The following KIR3DL3 variants were observed in gnomAD, a reference collection of about 807,000 sequenced individuals.
KIR3DL3 encodes the protein killer cell immunoglobulin-like receptor 3DL3.
Under a neutral mutation model 34.9 loss-of-function variants are expected in KIR3DL3, and 27 were observed. The observed-to-expected ratio is 0.77, with a 90% CI of 0.57 to 1.07. The LOEUF (loss-of-function observed/expected upper bound fraction) is 1.07. Ranked by LOEUF, KIR3DL3 falls within the 50% of genes least tolerant of loss-of-function variation. The pLI, the probability that KIR3DL3 is intolerant of heterozygous loss-of-function variation, is 0.00. For synonymous variants in KIR3DL3, 217 were observed against 200.2 expected, an observed-to-expected ratio of 1.08 and a Z score of -0.71; for missense variants, 681 against 528.5, an observed-to-expected ratio of 1.29 and a Z score of -2.83.
At chr19:54,732,620 C>A (rs1327357514) in intron 5 of KIR3DL3, among the ~76,000 whole-genome samples, 4 of 152,212 alleles carry the variant, frequency 2.6e-5, no homozygotes, top group African/African-American at 4.8e-5. Flanking sequence ...GAAGGTCTCA[C>A]TGATCAGATA....
intron 5 of KIR3DL3, 109 bp downstream of exon 5, chr19:54,729,895 C>G: frequency 1.9e-6 from 2 of 1,048,494 alleles, no homozygotes; most frequent in East Asian, 3.0e-5. Context: ...ACAGAACACA[C>G]AGCATGGGTG....
At position 54,735,844 on chromosome 19, in the gene KIR3DL3, C is replaced by A. The variant is rs1484851460; in HGVS notation, c.1079C>A (p.Pro360His). 1.6e-4 allele frequency: 262 copies of A among 1,607,590 alleles called. No homozygotes were observed. The highest frequency in any genetic ancestry group is 2.1e-4 in the Non-Finnish European group (248 of 1,178,300). ...KKNAVVMDQEPAGNRTVNRED... is the reference protein window; with the variant it reads ...KKNAVVMDQEHAGNRTVNRED... ...GATGCTGTTGTAATGGACCAAGAGC[C>A]TGCAGGGAACAGAACAGTGAACAGG... is the stretch of plus-strand genomic sequence containing the variant. The change falls in exon 7 of 8, where the codon CCT becomes CAT. Residue 360 changes from proline (P) to histidine (H), a missense_variant. By Grantham distance (77) the Pro-to-His change is moderately conservative. Coordinates refer to ENST00000291860, the MANE Select transcript of KIR3DL3 (RefSeq NM_153443.5).
chr19:54,725,943 A>C (rs2068110034), intron 2 of KIR3DL3, 110 bp from the exon 3 acceptor site: 1 of 1,047,736 alleles, frequency 9.5e-7, no homozygotes, highest in Non-Finnish European at 1.4e-6. Context: ...CTGGGCACCC[A>C]GGTGTGGTAG....
intron 4 of KIR3DL3, 60 bp downstream of exon 4, chr19:54,727,970 C>G (rs1600180552): frequency 6.6e-7 from 1 of 1,505,822 alleles, no homozygotes; most frequent in Non-Finnish European, 9.0e-7. Context: ...TGATCTAGGA[C>G]TGGAAGCCCC....
Position 54,735,690 on chromosome 19 carries a change from T to C in KIR3DL3, c.1055-130T>C, listed in dbSNP as rs1305560236. The C allele has an allele frequency of 4.1e-5, 39 of 959,682 alleles. 1 individual carries two copies. The highest frequency in any genetic ancestry group is 3.2e-5 in the Non-Finnish European group (20 of 627,854). The allele number at this position is 959,682 out of a possible 1,614,324, so 59.4% of individuals were successfully genotyped here. On this transcript the variant is annotated intron_variant, in intron 6 of 7. Coordinates refer to ENST00000291860, the MANE Select transcript of KIR3DL3 (RefSeq NM_153443.5). The stretch of plus-strand genomic sequence containing the variant: ...TCCTTGAGCTCAGAGAGATAGAATG[T>C]CTGAGTCTGCTGTTGGCAACTGAGG...
intron 5 of KIR3DL3, among the ~76,000 whole-genome samples, chr19:54,733,821 C>G (rs1342872765): frequency 1.3e-5 from 2 of 152,160 alleles, no homozygotes; most frequent in Non-Finnish European, 2.9e-5. Context: ...TTCCAATCAC[C>G]TATGGAGATA....
Position 54,724,695 on chromosome 19 carries a change from G to T in KIR3DL3, c.34+165G>T, listed in dbSNP as rs879172733. 1.1e-4 allele frequency among the ~76,000 whole-genome samples: 16 copies of T among 150,898 alleles called. No individual in the cohort carries two copies. In the South Asian group the frequency reaches 3.0e-3, roughly 28 times the overall value. Reference sequence around the variant, plus strand: ...ATATGGGCCTGGAGTGGAGATATGGGCCTGGAACTGTAGATATGGGCCTGA... The same window carrying T: ...ATATGGGCCTGGAGTGGAGATATGGTCCTGGAACTGTAGATATGGGCCTGA... On this transcript the variant is annotated intron_variant, in intron 1 of 7. Transcript: ENST00000291860.
In KIR3DL3 at chr19:54,727,907, G is replaced by T; in HGVS notation, c.652G>T (p.Val218Leu). ...CAGTGACCCTCTGGACATCGTGGTC[G>T]TAGGTGAGAGAATACAGACCTGCCT... ...APSDPLDIVV[V>L]GLYGKPSLSA... Residue 218 changes from valine (V) to leucine (L), a missense_variant, in exon 4 of 8, where the codon GTA becomes TTA. Coordinates refer to ENST00000291860, the MANE Select transcript of KIR3DL3 (RefSeq NM_153443.5). 6.2e-7 allele frequency: 1 copy of T among 1,606,794 alleles called. No homozygotes were observed. The highest frequency in any genetic ancestry group is 8.5e-7 in the Non-Finnish European group (1 of 1,175,362).
chr19:54,735,111 G>C, intron 5 of KIR3DL3, 142 bp from the exon 6 acceptor site: 2 of 715,244 alleles, frequency 2.8e-6, no homozygotes, highest in Admixed American at 4.4e-5. Flanking sequence ...GAGAAAGCAG[G>C]AGGAAGCTAG....
chr19:54,724,442 C>T lies in KIR3DL3; in HGVS notation c.-55C>T. ...AACTGCATGAGCCCCTCACAACATCCTGTGTGCTGCTGAACTGAGCTGGGG... is the reference window on the plus strand; with the variant it reads ...AACTGCATGAGCCCCTCACAACATCTTGTGTGCTGCTGAACTGAGCTGGGG... On this transcript the variant is annotated 5_prime_UTR_variant, in exon 1 of 8. Transcript: ENST00000291860. The T allele has an allele frequency of 6.2e-7, 1 of 1,611,502 alleles. No individual in the cohort carries two copies. The highest frequency in any genetic ancestry group is 8.5e-7 in the Non-Finnish European group (1 of 1,179,986).
In KIR3DL3 at chr19:54,727,812, C is replaced by A. The variant is rs536508795; in HGVS notation, c.557C>A (p.Thr186Lys). ...GTCAACTATTCCATGGGTCCCATGA[C>A]ACCTGCCCTTGCAGGGACCTACAGA... is the stretch of plus-strand genomic sequence containing the variant. ...SQVNYSMGPMTPALAGTYRCF... is the reference protein window; with the variant it reads ...SQVNYSMGPMKPALAGTYRCF... The change falls in exon 4 of 8, where the codon ACA becomes AAA. Residue 186 changes from threonine to lysine, a missense_variant. Coordinates refer to ENST00000291860, the MANE Select transcript of KIR3DL3 (RefSeq NM_153443.5). 1 of 1,613,950 alleles carries A rather than the reference C, an allele frequency of 6.2e-7. No homozygotes were observed.
intron 5 of KIR3DL3, among the ~76,000 whole-genome samples, chr19:54,730,316 G>A (rs2068665475): frequency 6.7e-6 from 1 of 149,804 alleles, no homozygotes; most frequent in South Asian, 2.1e-4. Context: ...CACTTTGAGA[G>A]GCCAAGGCAG....
intron 5 of KIR3DL3, among the ~76,000 whole-genome samples, chr19:54,730,195 AG>A (rs1372956892): frequency 3.3e-5 from 5 of 151,796 alleles, no homozygotes; most frequent in Non-Finnish European, 5.9e-5. Flanking sequence ...ATATTTATTG[AG>A]GTGAAATATA....
intron 5 of KIR3DL3, among the ~76,000 whole-genome samples, chr19:54,733,926 T>C (rs560817663): frequency 6.6e-6 from 1 of 152,184 alleles, no homozygotes; most frequent in African/African-American, 2.4e-5. Flanking sequence ...CCTGGTCACA[T>C]TTCGTACTAA....
chr19:54,732,778 G>A (rs150479380), intron 5 of KIR3DL3, among the ~76,000 whole-genome samples: 44,307 of 151,670 alleles, frequency 0.29, 7,047 homozygotes, highest in East Asian at 0.5. Flanking sequence ...CTGGGAATGA[G>A]ATGGGGAGAA....
At position 54,724,501 on chromosome 19, in the gene KIR3DL3, C is replaced by T. The variant is rs892116481; in HGVS notation, c.5C>T (p.Ser2Leu). Residue 2 changes from serine (S) to leucine (L), a missense_variant, in exon 1 of 8, where the codon TCG (serine) becomes TTG (leucine). Physicochemically the swap from Ser to Leu is moderately radical, Grantham distance 145. Coordinates refer to ENST00000291860, the MANE Select transcript of KIR3DL3 (RefSeq NM_153443.5). Reference sequence around the variant, plus strand: ...CCTGTCTGCACCGGCAGCACCATGTCGCTCATGGTCGTCAGCATGGCGTGT... The same window carrying T: ...CCTGTCTGCACCGGCAGCACCATGTTGCTCATGGTCGTCAGCATGGCGTGT... M[S>L]LMVVSMACVG... 274 of 1,613,034 alleles carry T rather than the reference C, an allele frequency of 1.7e-4. 2 individuals carry two copies. In the South Asian group the frequency reaches 2.1e-3, roughly 12 times the overall value.
chr19:54,729,890 A>G, intron 5 of KIR3DL3, 104 bp downstream of exon 5: 1 of 1,123,724 alleles, frequency 8.9e-7, no homozygotes, highest in Non-Finnish European at 1.3e-6. Flanking sequence ...CCGAGACAGA[A>G]CACACAGCAT....
chr19:54,735,444 T>A (rs62132701), intron 6 of KIR3DL3, 87 bp downstream of exon 6: 425,492 of 622,618 alleles, frequency 0.68, 155,014 homozygotes, highest in African/African-American at 0.93. Context: ...CCTCACAGAC[T>A]GGATGGTCCC....
rs1222523229 is a variant in KIR3DL3 at position 54,735,486 on chromosome 19, T to G, written c.1054+129T>G. The stretch of plus-strand genomic sequence containing the variant: ...AAGGCAGGAGCCACAGAGGCAGGAC[T>G]TTCTAGAGAGAGCACCAGACTCCCT... On this transcript the variant is annotated intron_variant, in intron 6 of 7. Coordinates refer to ENST00000291860, the MANE Select transcript of KIR3DL3 (RefSeq NM_153443.5). 2.1e-5 allele frequency: 13 copies of G among 611,014 alleles called. No homozygotes were observed. The Admixed American group carries it at 2.9e-4, about 14-fold the overall frequency. The allele number at this position is 611,014 out of a possible 1,614,324, so 37.8% of individuals were successfully genotyped here. A position where few individuals can be genotyped will look rare whatever the true frequency, so the allele number is the denominator to read the frequency against.
Sources: allele counts gnomAD v4.1 joint callset (sites outside exome capture counted in the v4.1 genomes callset), GRCh38; gene constraint gnomAD v4.1.1; transcripts MANE v1.5; gene names NCBI Gene and HGNC (gene_info 2026-07-23, HGNC 2026-07-21).